Variants in ADARB1 observed in about 807,000 individuals in gnomAD.
ADARB1 encodes the protein adenosine deaminase RNA specific B1.
Under a neutral mutation model 52.4 loss-of-function variants are expected in ADARB1, and 10 were observed. That is an observed-to-expected ratio of 0.19 (90% CI 0.12 to 0.32). The LOEUF is 0.32. ADARB1 is among the 10% of genes least tolerant of loss of function. The pLI is 1.00. For missense variants in ADARB1, 643 were observed against 922.3 expected (o/e 0.70, Z 3.92); for synonymous variants, 349 against 371.1 (o/e 0.94, Z 0.68).
intron 1 of ADARB1, among the ~76,000 whole-genome samples, chr21:45,080,670 A>G (rs541277033): frequency 2.0e-4 from 31 of 152,246 alleles, no homozygotes; most frequent in Non-Finnish European, 4.3e-4. Flanking sequence ...TTATTTATTT[A>G]AAAAATTCAC....
At chr21:45,205,805 A>T (rs965704550) in intron 9 of ADARB1, among the ~76,000 whole-genome samples, 11 of 152,158 alleles carry the variant, frequency 7.2e-5, no homozygotes, top group African/African-American at 1.9e-4. Flanking sequence ...AAAGCTCAAA[A>T]CTAAAACCAT....
At chr21:45,078,922 AGGGG>A (rs1387713868) in intron 1 of ADARB1, among the ~76,000 whole-genome samples, 1 of 152,182 alleles carries the variant, frequency 6.6e-6, no homozygotes, top group Non-Finnish European at 1.5e-5. Flanking sequence ...CCCATGTTAC[AGGGG>A]GGAATACCTA....
chr21:45,139,301 A>G (rs1333415061), intron 2 of ADARB1, among the ~76,000 whole-genome samples: 1 of 152,114 alleles, frequency 6.6e-6, no homozygotes, highest in Non-Finnish European at 1.5e-5. Flanking sequence ...AAATTCATAA[A>G]TGGCACTTAT....
rs2090694948 is a variant in ADARB1 at position 45,157,058 on chromosome 21, G to T, written c.-47-14552G>T. Among the ~76,000 whole-genome samples, 1 of 152,220 alleles carries T rather than the reference G, an allele frequency of 6.6e-6. No individual in the cohort carries two copies. Among genetic ancestry groups the T allele is most frequent in the Non-Finnish European group, 1.5e-5 (1 of 68,040 alleles). On this transcript the variant is annotated intron_variant, in intron 2 of 10. Transcript: ENST00000348831. The surrounding 1 kb of genome is among the most constrained non-coding windows in gnomAD (Gnocchi z 4.1). ...ATGGATAGAAGGCCCAGATCTCCTAGAACCCGTTGTAATGGCTATGTGTGT... is the reference window on the plus strand; with the variant it reads ...ATGGATAGAAGGCCCAGATCTCCTATAACCCGTTGTAATGGCTATGTGTGT...
chr21:45,186,886 A>T (rs144911534), intron 8 of ADARB1, among the ~76,000 whole-genome samples: 197 of 151,258 alleles, frequency 1.3e-3, no homozygotes, highest in African/African-American at 4.6e-3. Context: ...TCTATTCCAT[A>T]TGTCTATTCT....
intron 9 of ADARB1, among the ~76,000 whole-genome samples, chr21:45,216,618 G>A (rs559638243): frequency 6.6e-6 from 1 of 152,078 alleles, no homozygotes; most frequent in East Asian, 1.9e-4. Flanking sequence ...TTGGTTTTAT[G>A]GACCAGAATA....
chr21:45,104,299 G>A (rs1023137830), intron 1 of ADARB1, among the ~76,000 whole-genome samples: 4 of 152,196 alleles, frequency 2.6e-5, no homozygotes, highest in African/African-American at 7.2e-5. Context: ...GGTGCTGTCC[G>A]GGTGCTGTCA....
intron 8 of ADARB1, among the ~76,000 whole-genome samples, chr21:45,201,985 G>A (rs1332843654): frequency 6.6e-6 from 1 of 152,198 alleles, no homozygotes; most frequent in Non-Finnish European, 1.5e-5. Context: ...AGGTCCCTGA[G>A]GGTGGCCAGA....
chr21:45,156,537 C>T, intron 2 of ADARB1, among the ~76,000 whole-genome samples: 1 of 135,820 alleles, frequency 7.4e-6, no homozygotes, highest in Non-Finnish European at 1.6e-5. Flanking sequence ...ACCCATCACC[C>T]ATCATCCATT....
chr21:45,211,927 G>C (rs966027482), intron 9 of ADARB1, among the ~76,000 whole-genome samples: 6 of 152,212 alleles, frequency 3.9e-5, no homozygotes, highest in African/African-American at 1.4e-4. Flanking sequence ...TTCTGCCCCA[G>C]AAAAAGCGTA....
At chr21:45,113,443 C>T (rs935648940) in intron 1 of ADARB1, among the ~76,000 whole-genome samples, 3 of 148,174 alleles carry the variant, frequency 2.0e-5, no homozygotes, top group African/African-American at 7.5e-5. Flanking sequence ...CAAAACAAAA[C>T]TATATATATA....
chr21:45,096,764 T>G (rs985571512), intron 1 of ADARB1, among the ~76,000 whole-genome samples: 13 of 152,204 alleles, frequency 8.5e-5, no homozygotes, highest in Middle Eastern at 3.2e-3. Context: ...TATTTTTATT[T>G]TATTTTTTTG....
Position 45,175,367 on chromosome 21 carries a change from G to T in ADARB1, c.29-363G>T, listed in dbSNP as rs1159703327. 4.6e-5 allele frequency among the ~76,000 whole-genome samples: 7 copies of T among 152,222 alleles called. No homozygotes were observed. The East Asian group carries it at 1.4e-3, about 29-fold the overall frequency. On this transcript the variant is annotated intron_variant, in intron 3 of 10. Transcript: ENST00000348831. ...TTGTCATTTCATTAGACTTATTAAT[G>T]TAAGGTCTTTCTGGATTAATTTATC...
At chr21:45,094,356 A>G (rs935565743) in intron 1 of ADARB1, among the ~76,000 whole-genome samples, 3 of 152,190 alleles carry the variant, frequency 2.0e-5, no homozygotes, top group Admixed American at 1.3e-4. Context: ...TTTGGACCCA[A>G]TACTAGTTTA....
At chr21:45,170,416 A>AT in intron 2 of ADARB1, among the ~76,000 whole-genome samples, 1 of 152,372 alleles carries the variant, frequency 6.6e-6, no homozygotes, top group Non-Finnish European at 1.5e-5. Flanking sequence ...ATATCTTGAA[A>AT]TAGTTAATGA....
intron 7 of ADARB1, chr21:45,184,437 A>C: frequency 5.0e-6 from 1 of 200,876 alleles, no homozygotes; most frequent in Non-Finnish European, 9.8e-6. Context: ...CTTCCTACTC[A>C]ATTTCATATA....
intron 2 of ADARB1, among the ~76,000 whole-genome samples, chr21:45,135,809 G>A (rs2089329579): frequency 6.6e-6 from 1 of 152,246 alleles, no homozygotes; most frequent in Non-Finnish European, 1.5e-5. Context: ...AGGGCCCTCT[G>A]TGGGTCCTGT....
chr21:45,187,858 CAT>C (rs901087000), intron 8 of ADARB1, among the ~76,000 whole-genome samples: 2 of 152,102 alleles, frequency 1.3e-5, no homozygotes, highest in African/African-American at 4.8e-5. Flanking sequence ...CCAGGAGTAT[CAT>C]AATGTATAAT....
At chr21:45,147,045 G>A (rs906611856) in intron 2 of ADARB1, among the ~76,000 whole-genome samples, 6 of 152,178 alleles carry the variant, frequency 3.9e-5, no homozygotes, top group South Asian at 4.1e-4. Flanking sequence ...CAGGGGTCAC[G>A]GCACTGCTCA....
Sources: gnomAD v4.1 joint callset for allele counts (sites outside exome capture counted in the v4.1 genomes callset) on GRCh38, gnomAD v4.1.1 for gene constraint, Gnocchi (gnomAD v3.1) non-coding constraint, MANE v1.5 for transcripts, NCBI Gene and HGNC (gene_info 2026-07-23, HGNC 2026-07-21) for gene names.